The following TCF12 variants were observed in gnomAD, a reference collection of about 807,000 sequenced individuals.
TCF12 encodes the protein DNA-binding protein HTF4.
A neutral mutation model predicts 86.0 loss-of-function variants in TCF12; 45 were observed. That is an observed-to-expected ratio of 0.52 (90% CI 0.41 to 0.67). The LOEUF (loss-of-function observed/expected upper bound fraction) is 0.67, where lower values mean the gene tolerates loss of function less well. TCF12 is among the 30% of genes least tolerant of loss of function. The pLI is 0.00. For missense variants in TCF12, 881 were observed against 859.9 expected, an observed-to-expected ratio of 1.02 and a Z score of -0.31; for synonymous variants, 330 against 299.6, an observed-to-expected ratio of 1.10 and a Z score of -1.05.
chr15:56,971,664 C>A lies in TCF12; in HGVS notation c.148+50566C>A, dbSNP rs367576295. The stretch of plus-strand genomic sequence containing the variant: ...GTTGGAGTGGGAAAGTGTAAGATTT[C>A]ACCATGCTACTCAGACGCTACTAAG... On this transcript the variant is annotated intron_variant, in intron 3 of 20. Coordinates refer to ENST00000333725, the MANE Select transcript of TCF12 (RefSeq NM_207037.2). Among the ~76,000 whole-genome samples the A allele has an allele frequency of 3.2e-4, 48 of 152,276 alleles. No individual in the cohort carries two copies. In the East Asian group the frequency reaches 6.7e-3, roughly 21 times the overall value.
chr15:57,037,095 T>TA (rs2066548830), intron 3 of TCF12, among the ~76,000 whole-genome samples: 2 of 152,324 alleles, frequency 1.3e-5, no homozygotes. Flanking sequence ...TGTGAGGTGA[T>TA]AAAATCTGGT....
At position 57,243,454 on chromosome 15, in the gene TCF12, T is replaced by G. The variant is rs572763995; in HGVS notation, c.1036-18T>G. The G allele has an allele frequency of 2.4e-5, 39 of 1,606,806 alleles. No individual in the cohort carries two copies. The highest frequency in any genetic ancestry group is 3.2e-5 in the Non-Finnish European group (37 of 1,173,966). On this transcript the variant is annotated intron_variant, in intron 12 of 20. Transcript: ENST00000333725. ...TTGTCACATGTTGATACATGTATATTTCTTGTTTTCTGGTTAGATTTATTC... is the reference window on the plus strand; with the variant it reads ...TTGTCACATGTTGATACATGTATATGTCTTGTTTTCTGGTTAGATTTATTC...
intron 3 of TCF12, among the ~76,000 whole-genome samples, chr15:57,034,718 A>G (rs1218679535): frequency 6.6e-6 from 1 of 152,244 alleles, no homozygotes; most frequent in Non-Finnish European, 1.5e-5. Context: ...ATGAAGGACC[A>G]GTACCTAATT....
chr15:57,002,087 G>A (rs1434963139), intron 3 of TCF12, among the ~76,000 whole-genome samples: 2 of 152,208 alleles, frequency 1.3e-5, no homozygotes, highest in Non-Finnish European at 2.9e-5. Flanking sequence ...CATTGTCCAT[G>A]TTCAGAAGTC....
chr15:57,035,197 C>A (rs774806922), intron 3 of TCF12, among the ~76,000 whole-genome samples: 2 of 152,168 alleles, frequency 1.3e-5, no homozygotes, highest in African/African-American at 2.4e-5. Context: ...AAGTTACACA[C>A]AGTGAATGAC....
At chr15:57,198,635 A>G (rs1221658471) in intron 8 of TCF12, among the ~76,000 whole-genome samples, 1 of 152,058 alleles carries the variant, frequency 6.6e-6, no homozygotes, top group Admixed American at 6.6e-5. Flanking sequence ...AAAAAACGGA[A>G]GTTTTTTTTT....
chr15:57,261,773 C>T lies in TCF12; in HGVS notation c.1468-321C>T, dbSNP rs61996955. Among the ~76,000 whole-genome samples the T allele has an allele frequency of 0.59, 63,051 of 106,856 alleles. 15,006 individuals carry two copies. The highest frequency in any genetic ancestry group is 0.62 in the Non-Finnish European group (36,645 of 59,246). The allele number at this position is 106,856 out of a possible 152,430, so 70.1% of individuals were successfully genotyped here. A position where few individuals can be genotyped will look rare whatever the true frequency, so the allele number is the denominator to read the frequency against. On this transcript the variant is annotated intron_variant, in intron 16 of 20. Transcript: ENST00000333725. ...TAGATTTTCAGATTGATTTATAATA[C>T]GTAGTGCGTTGTGGCTTATAGAATG...
At chr15:57,013,484 C>T (rs1406979472) in intron 3 of TCF12, among the ~76,000 whole-genome samples, 2 of 152,096 alleles carry the variant, frequency 1.3e-5, no homozygotes, top group Non-Finnish European at 2.9e-5. Context: ...ATTAGCCCAG[C>T]TGATTTTTGT....
At chr15:57,272,767 T>G (rs2061201223) in intron 18 of TCF12, among the ~76,000 whole-genome samples, 1 of 152,228 alleles carries the variant, frequency 6.6e-6, no homozygotes, top group South Asian at 2.1e-4. Flanking sequence ...TATGAAGAGT[T>G]TCTGGAGAAA....
chr15:56,993,060 C>T (rs1456906659), intron 3 of TCF12, among the ~76,000 whole-genome samples: 2 of 152,102 alleles, frequency 1.3e-5, no homozygotes, highest in Non-Finnish European at 1.5e-5. Context: ...GACTAGCATT[C>T]AGAATACCAT....
intron 3 of TCF12, among the ~76,000 whole-genome samples, chr15:56,947,265 GGTT>G (rs1402528634): frequency 6.6e-6 from 1 of 152,064 alleles, no homozygotes; most frequent in Admixed American, 6.6e-5. Flanking sequence ...TTACAACTCT[GGTT>G]GTTTTTCGCC....
chr15:57,223,656 T>TG lies in TCF12; in HGVS notation c.580-7496_580-7495insG, dbSNP rs1323132779. On this transcript the variant is annotated intron_variant, in intron 8 of 20. Coordinates refer to ENST00000333725, the MANE Select transcript of TCF12 (RefSeq NM_207037.2). The stretch of plus-strand genomic sequence containing the variant: ...CCTACCAATGAGGTTTTTTTTTTTT[T>TG]TTTTTTTTTTTTTTTAGAAATAGAG... Among the ~76,000 whole-genome samples the TG allele has an allele frequency of 6.0e-4, 62 of 104,196 alleles. 1 individual carries two copies. The highest frequency in any genetic ancestry group is 1.0e-3 in the Non-Finnish European group (44 of 43,034). The allele number at this position is 104,196 out of a possible 152,430, so 68.4% of individuals were successfully genotyped here.
chr15:57,020,830 TGAG>T (rs1379224755), intron 3 of TCF12, among the ~76,000 whole-genome samples: 1 of 152,148 alleles, frequency 6.6e-6, no homozygotes, highest in Non-Finnish European at 1.5e-5. Context: ...TGGAAGAGCA[TGAG>T]TAGGTGTGCA....
intron 3 of TCF12, among the ~76,000 whole-genome samples, chr15:56,949,845 T>G (rs1481479415): frequency 6.6e-6 from 1 of 152,162 alleles, no homozygotes; most frequent in Non-Finnish European, 1.5e-5. Flanking sequence ...AAGCAGCTAC[T>G]TGTGTCTAGA....
At chr15:56,961,162 G>A (rs1308438310) in intron 3 of TCF12, among the ~76,000 whole-genome samples, 3 of 151,370 alleles carry the variant, frequency 2.0e-5, no homozygotes, top group Non-Finnish European at 4.4e-5. Context: ...CATTAAATAA[G>A]TACCTACAGT....
chr15:56,941,910 C>T (rs2060798047), intron 3 of TCF12, among the ~76,000 whole-genome samples: 1 of 152,174 alleles, frequency 6.6e-6, no homozygotes, highest in Admixed American at 6.5e-5. Flanking sequence ...GTAAGCTTCT[C>T]ATTAACTGAA....
At chr15:57,231,929 C>T (rs1342537644) in intron 9 of TCF12, among the ~76,000 whole-genome samples, 2 of 152,130 alleles carry the variant, frequency 1.3e-5, no homozygotes, top group African/African-American at 4.8e-5. Flanking sequence ...ATGCACATTG[C>T]GTGTTATGCA....
At chr15:57,279,672 T>G (rs1465377133) in intron 19 of TCF12, among the ~76,000 whole-genome samples, 1 of 152,200 alleles carries the variant, frequency 6.6e-6, no homozygotes. Context: ...TGCTGATCCT[T>G]CCAAGCATTT....
chr15:57,166,354 G>A (rs1307734388), intron 5 of TCF12, 48 bp from the exon 6 acceptor site: 1 of 1,496,618 alleles, frequency 6.7e-7, no homozygotes, highest in Non-Finnish European at 9.2e-7. Flanking sequence ...TTGATTGTCT[G>A]TCAATAAATG....
Sources: allele counts gnomAD v4.1 joint callset (sites outside exome capture counted in the v4.1 genomes callset), GRCh38; gene constraint gnomAD v4.1.1; transcripts MANE v1.5; gene names NCBI Gene and HGNC (gene_info 2026-07-23, HGNC 2026-07-21).